CDIN1: variants seen among roughly 807,000 people sequenced by gnomAD.
CDIN1 encodes the protein CDAN1 interacting nuclease 1, also known as CDAN1-interacting nuclease 1.
CDIN1 carries 33 observed loss-of-function variants against 45.3 expected under a neutral mutation model. The ratio of observed to expected loss-of-function variants is 0.73; its 90% CI spans 0.55 to 0.97. The LOEUF (loss-of-function observed/expected upper bound fraction) is 0.97. CDIN1 is among the 50% of genes least tolerant of loss of function. CDIN1 has a pLI of 0.00. For missense variants in CDIN1, 303 were observed against 339.4 expected (o/e 0.89, Z 0.84); for synonymous variants, 118 against 124.4 (o/e 0.95, Z 0.34).
intron 1 of CDIN1, among the ~76,000 whole-genome samples, chr15:36,623,212 C>A (rs1263497906): frequency 6.6e-6 from 1 of 151,754 alleles, no homozygotes; most frequent in Non-Finnish European, 1.5e-5. Context: ...TATGTTTTTC[C>A]CGCTGAATTT....
At position 36,687,446 on chromosome 15, in the gene CDIN1, G is replaced by T. The variant is rs540868042; in HGVS notation, c.347-4239G>T. On this transcript the variant is annotated intron_variant, in intron 5 of 10. Transcript: ENST00000566621. ...GAAATGGAACACTAGTTATGTGAGG[G>T]AGGCAGATCCTATCCAAAAGAAAAG... 7.3e-4 allele frequency among the ~76,000 whole-genome samples: 111 copies of T among 152,214 alleles called. 1 individual carries two copies. Among genetic ancestry groups the T allele is most frequent in the South Asian group, 7.3e-3 (35 of 4,804 alleles).
chr15:36,704,737 A>G (rs1466599880), intron 8 of CDIN1: 1 of 152,192 alleles, frequency 6.6e-6, no homozygotes, highest in African/African-American at 2.4e-5. Context: ...CTAGCATTTT[A>G]GAAAACTTTT....
At chr15:36,764,712 C>T (rs925935983) in intron 10 of CDIN1, among the ~76,000 whole-genome samples, 2 of 152,158 alleles carry the variant, frequency 1.3e-5, no homozygotes, top group Admixed American at 1.3e-4. Context: ...TCTGGTTTTA[C>T]TTAGGTATGT....
intron 10 of CDIN1, chr15:36,798,991 T>C (rs2054915577): frequency 6.6e-6 from 1 of 152,210 alleles, no homozygotes; most frequent in South Asian, 2.1e-4. Context: ...TCACTATCCA[T>C]TATGGTTGTC....
intron 5 of CDIN1, among the ~76,000 whole-genome samples, chr15:36,688,272 A>G (rs1339729905): frequency 1.3e-5 from 2 of 152,120 alleles, no homozygotes; most frequent in Admixed American, 6.5e-5. Context: ...AAAAGCTTAT[A>G]CAAATTAATA....
At chr15:36,591,569 A>G (rs554760873) in intron 1 of CDIN1, among the ~76,000 whole-genome samples, 1 of 152,334 alleles carries the variant, frequency 6.6e-6, no homozygotes, top group South Asian at 2.1e-4. Context: ...AGATAAAAAT[A>G]CATTTAACCT....
chr15:36,735,333 G>C (rs563054797), intron 10 of CDIN1, among the ~76,000 whole-genome samples: 34 of 152,174 alleles, frequency 2.2e-4, no homozygotes, highest in Admixed American at 1.8e-3. Flanking sequence ...TAGTTTTAGT[G>C]TAAAATTTAA....
intron 1 of CDIN1, among the ~76,000 whole-genome samples, chr15:36,584,701 C>A (rs986107516): frequency 6.6e-6 from 1 of 152,126 alleles, no homozygotes; most frequent in Non-Finnish European, 1.5e-5. Context: ...CTCACACACA[C>A]TCCCATACTC....
At chr15:36,736,644 T>C (rs1407066256) in intron 10 of CDIN1, among the ~76,000 whole-genome samples, 1 of 152,216 alleles carries the variant, frequency 6.6e-6, no homozygotes, top group Non-Finnish European at 1.5e-5. Context: ...TTCAGGGCTC[T>C]GCTGTTAATG....
intron 3 of CDIN1, among the ~76,000 whole-genome samples, chr15:36,648,237 A>G (rs984832407): frequency 6.6e-6 from 1 of 152,032 alleles, no homozygotes; most frequent in African/African-American, 2.4e-5. Flanking sequence ...GCCCATTTTT[A>G]TATTGATGAG....
intron 1 of CDIN1, among the ~76,000 whole-genome samples, chr15:36,604,418 T>TACACACAC (rs144533313): frequency 0.088 from 11,349 of 128,696 alleles, 627 homozygotes; most frequent in African/African-American, 0.12. Context: ...TTTTAAAAGG[T>TACACACAC]ACACACACAC....
chr15:36,586,372 T>C (rs6416524), intron 1 of CDIN1, among the ~76,000 whole-genome samples: 132,613 of 152,088 alleles, frequency 0.87, 57,922 homozygotes, highest in Middle Eastern at 0.96. Flanking sequence ...TGGTATTTGC[T>C]TAATAGTGAT....
At chr15:36,592,978 T>C (rs879749169) in intron 1 of CDIN1, among the ~76,000 whole-genome samples, 6 of 152,218 alleles carry the variant, frequency 3.9e-5, no homozygotes, top group Non-Finnish European at 5.9e-5. Context: ...TATTCCAGTA[T>C]AAAAACAGAG....
chr15:36,610,660 A>G (rs1335887491), intron 1 of CDIN1, among the ~76,000 whole-genome samples: 4 of 152,326 alleles, frequency 2.6e-5, no homozygotes, highest in South Asian at 2.1e-4. Flanking sequence ...GCTAGATTCT[A>G]TTTGCCTAAA....
chr15:36,583,094 T>C lies in CDIN1; in HGVS notation c.101+3133T>C, dbSNP rs944305952. Among the ~76,000 whole-genome samples, 14 of 152,316 alleles carry C rather than the reference T, an allele frequency of 9.2e-5. No individual in the cohort carries two copies. In the South Asian group the frequency reaches 2.9e-3, roughly 32 times the overall value. On this transcript the variant is annotated intron_variant, in intron 1 of 10. Coordinates refer to ENST00000566621, the MANE Select transcript of CDIN1 (RefSeq NM_001321759.2). ...TGTTGCATAAATTTTCTCAGTTGTT[T>C]GATTTTAAATATTGTTCTGCTTTTG...
intron 1 of CDIN1, among the ~76,000 whole-genome samples, chr15:36,610,000 T>G (rs1820587416): frequency 6.6e-6 from 1 of 152,232 alleles, no homozygotes; most frequent in Non-Finnish European, 1.5e-5. Context: ...ATGCTTTAGC[T>G]CTCTGACATA....
intron 5 of CDIN1, among the ~76,000 whole-genome samples, chr15:36,686,804 GAGGGAGGGAGAGAGAGAGAGGTAGTC>G (rs947756877): frequency 6.4e-5 from 9 of 141,710 alleles, no homozygotes; most frequent in African/African-American, 2.4e-4. Flanking sequence ...CAGAAGGATG[GAGGGAGGGAGAGAGAGAGAGGTAGTC>G]AGGGAGGGAG....
chr15:36,737,167 CAA>C (rs965614774), intron 10 of CDIN1, among the ~76,000 whole-genome samples: 3 of 98,494 alleles, frequency 3.0e-5, no homozygotes, highest in Non-Finnish European at 2.1e-5. Context: ...GACCCGGTCT[CAA>C]AAAAAAAAAA....
At chr15:36,807,323 T>G (rs181929897) in intron 10 of CDIN1, among the ~76,000 whole-genome samples, 4 of 152,356 alleles carry the variant, frequency 2.6e-5, no homozygotes, top group Non-Finnish European at 5.9e-5. Flanking sequence ...CAGTTCTGTT[T>G]TTAGACATGC....
Sources: allele counts gnomAD v4.1 joint callset (sites outside exome capture counted in the v4.1 genomes callset), GRCh38; gene constraint gnomAD v4.1.1; transcripts MANE v1.5; gene names NCBI Gene and HGNC (gene_info 2026-07-23, HGNC 2026-07-21).